The following MYT1L variants were observed in gnomAD, a reference collection of about 807,000 sequenced individuals.
MYT1L encodes the protein myelin transcription factor 1 like.
MYT1L carries 12 observed loss-of-function variants against 126.7 expected under a neutral mutation model. That is an observed-to-expected ratio of 0.09 (90% CI 0.06 to 0.15). MYT1L has a LOEUF of 0.15. Among genes scored for constraint, MYT1L ranks in the 10% least tolerant of loss-of-function variants. The probability of loss-of-function intolerance (pLI) is 1.00; values close to 1 mark genes in which losing one functional copy is unlikely to be tolerated. For synonymous variants in MYT1L, 541 were observed against 604.2 expected (o/e 0.90, Z 1.53); for missense variants, 979 against 1,585.2 (o/e 0.62, Z 6.49).
At chr2:2,063,444 G>T (rs1194012211) in intron 3 of MYT1L, among the ~76,000 whole-genome samples, 1 of 152,136 alleles carries the variant, frequency 6.6e-6, no homozygotes, top group Admixed American at 6.5e-5. Flanking sequence ...CCTGTCGGGG[G>T]TCTTTGTGTG....
At position 1,889,638 on chromosome 2, in the gene MYT1L, T is replaced by G. The variant is rs1372820242; in HGVS notation, c.2284-161A>C. Among the ~76,000 whole-genome samples, 1 of 152,184 alleles carries G rather than the reference T, an allele frequency of 6.6e-6. No individual in the cohort carries two copies. Among genetic ancestry groups the G allele is most frequent in the Non-Finnish European group, 1.5e-5 (1 of 68,038 alleles). On this transcript the variant is annotated intron_variant, in intron 15 of 24. Transcript: ENST00000647738. The surrounding 1 kb of genome is among the most constrained non-coding windows in gnomAD (Gnocchi z 4.1). Reference sequence around the variant, plus strand: ...CTAAACTCCCAAGGCGGACAGGCCTTGTCTGGTGGTACATTCCTGCTATCC... The same window carrying G: ...CTAAACTCCCAAGGCGGACAGGCCTGGTCTGGTGGTACATTCCTGCTATCC...
intron 13 of MYT1L, among the ~76,000 whole-genome samples, chr2:1,908,626 G>A (rs1330386028): frequency 3.3e-5 from 5 of 152,188 alleles, no homozygotes; most frequent in African/African-American, 4.8e-5. Flanking sequence ...GACCAATAAC[G>A]ATTCCTTGCT....
intron 2 of MYT1L, among the ~76,000 whole-genome samples, chr2:2,175,259 G>C (rs543913082): frequency 6.6e-6 from 1 of 152,212 alleles, no homozygotes; most frequent in East Asian, 1.9e-4. Flanking sequence ...CCAGCTCCTG[G>C]TGACTTTTCC....
At chr2:2,198,717 G>T (rs1283220490) in intron 2 of MYT1L, among the ~76,000 whole-genome samples, 5 of 151,916 alleles carry the variant, frequency 3.3e-5, no homozygotes, top group Admixed American at 2.0e-4. Context: ...AATTAGCCAG[G>T]CGTTGTGGTG....
chr2:2,026,589 C>T (rs2065610511), intron 4 of MYT1L, among the ~76,000 whole-genome samples: 1 of 152,242 alleles, frequency 6.6e-6, no homozygotes, highest in Admixed American at 6.5e-5. Flanking sequence ...TCAGGCCTCG[C>T]TGGCTTCCTA....
chr2:2,086,686 C>T (rs2076384603), intron 3 of MYT1L, among the ~76,000 whole-genome samples: 2 of 152,146 alleles, frequency 1.3e-5, no homozygotes, highest in Admixed American at 6.5e-5. Flanking sequence ...GGTGACCGAA[C>T]CCCAGGCCTC....
At chr2:2,203,192 T>C (rs1057168377) in intron 2 of MYT1L, among the ~76,000 whole-genome samples, 1 of 146,334 alleles carries the variant, frequency 6.8e-6, no homozygotes, top group Non-Finnish European at 1.5e-5. Context: ...ACTGGAAGCA[T>C]TCCCTTTGAA....
chr2:2,026,611 G>T (rs2065611874), intron 4 of MYT1L, among the ~76,000 whole-genome samples: 1 of 152,222 alleles, frequency 6.6e-6, no homozygotes, highest in Non-Finnish European at 1.5e-5. Flanking sequence ...GACAGGAAAT[G>T]CCCGTGGTGG....
chr2:2,124,654 A>T lies in MYT1L; in HGVS notation c.-304+48218T>A, dbSNP rs530949131. Among the ~76,000 whole-genome samples, 54 of 152,350 alleles carry T rather than the reference A, an allele frequency of 3.5e-4. 1 individual carries two copies. The highest frequency in any genetic ancestry group is 2.7e-3 in the South Asian group (13 of 4,826). On this transcript the variant is annotated intron_variant, in intron 3 of 24. Transcript: ENST00000647738. ...TTTAGTAGCTTTGATTATCTGCTAT[A>T]TCTCATTGATTCTTTCTTAAGACCA... is the stretch of plus-strand genomic sequence containing the variant.
rs532907967 is a variant in MYT1L at position 2,103,313 on chromosome 2, T to C, written c.-303-49190A>G. On this transcript the variant is annotated intron_variant, in intron 3 of 24. Coordinates refer to ENST00000647738, the MANE Select transcript of MYT1L (RefSeq NM_001303052.2). ...ATCCCAGCCTTTGCCAGGGCTCCTC[T>C]GCAGTGCTTAATCCTGGTGCTTGTC... 3.8e-4 allele frequency among the ~76,000 whole-genome samples: 58 copies of C among 152,332 alleles called. 1 individual carries two copies. The East Asian group carries it at 6.9e-3, about 18-fold the overall frequency.
At chr2:1,916,439 T>A (rs967736108) in intron 11 of MYT1L, among the ~76,000 whole-genome samples, 2 of 152,204 alleles carry the variant, frequency 1.3e-5, no homozygotes, top group African/African-American at 4.8e-5. Flanking sequence ...CTTAAACTCA[T>A]ATACTCATTT....
intron 3 of MYT1L, among the ~76,000 whole-genome samples, chr2:2,054,954 T>C (rs1376165518): frequency 1.3e-5 from 2 of 152,004 alleles, no homozygotes; most frequent in Non-Finnish European, 2.9e-5. Context: ...ATGAGATGCA[T>C]GGAGATGAGA....
rs1185154931 is a variant in MYT1L, at chr2:1,842,935, CCG to C, written c.2775-2094_2775-2093del. On this transcript the variant is annotated intron_variant, in intron 19 of 24. Coordinates refer to ENST00000647738, the MANE Select transcript of MYT1L (RefSeq NM_001303052.2). ...CAGGCGCTTCCGCTTCCAGGCGCTTCCGCTTCCAGGCGCTTCCGCTTCCAGGC... is the reference window on the plus strand; with the variant it reads ...CAGGCGCTTCCGCTTCCAGGCGCTTCCTTCCAGGCGCTTCCGCTTCCAGGC... 46 of 170,572 alleles carry C rather than the reference CCG, an allele frequency of 2.7e-4. 1 individual carries two copies. Among genetic ancestry groups the C allele is most frequent in the African/African-American group, 1.1e-3 (45 of 41,014 alleles). 10.6% of individuals were successfully genotyped at this position (170,572 alleles called of 1,614,324 possible).
At chr2:2,134,714 T>C (rs1483188582) in intron 3 of MYT1L, among the ~76,000 whole-genome samples, 1 of 152,160 alleles carries the variant, frequency 6.6e-6, no homozygotes, top group Non-Finnish European at 1.5e-5. Flanking sequence ...ACTTTGATCC[T>C]GGACTTCCAG....
intron 1 of MYT1L, among the ~76,000 whole-genome samples, chr2:2,316,283 G>A (rs917783781): frequency 1.3e-5 from 2 of 152,100 alleles, no homozygotes; most frequent in East Asian, 1.9e-4. Flanking sequence ...ACATGCCATC[G>A]GCTACCATGG....
At chr2:1,824,486 G>C (rs1285262932) in intron 21 of MYT1L, 4 of 152,404 alleles carry the variant, frequency 2.6e-5, no homozygotes, top group African/African-American at 9.6e-5. Flanking sequence ...AGGGAGGAGA[G>C]GGGCATGGGC....
intron 17 of MYT1L, 32 bp from the exon 18 acceptor site, chr2:1,886,639 C>T: frequency 2.1e-6 from 3 of 1,457,816 alleles, no homozygotes; most frequent in South Asian, 1.5e-5. Context: ...GCAGGTCAGT[C>T]AACTGCGAAG....
intron 2 of MYT1L, among the ~76,000 whole-genome samples, chr2:2,266,880 C>A (rs542831364): frequency 1.2e-4 from 19 of 152,326 alleles, no homozygotes; most frequent in African/African-American, 4.1e-4. Context: ...TTGCCTTCTG[C>A]CATGATTGTG....
intron 4 of MYT1L, among the ~76,000 whole-genome samples, chr2:2,006,246 T>TA (rs564938065): frequency 3.3e-5 from 5 of 152,030 alleles, no homozygotes; most frequent in African/African-American, 7.2e-5. Flanking sequence ...TCCATTTCAT[T>TA]AAAAAAAATG....
Sources: allele counts gnomAD v4.1 joint callset (sites outside exome capture counted in the v4.1 genomes callset), GRCh38; gene constraint gnomAD v4.1.1; non-coding constraint Gnocchi (gnomAD v3.1); transcripts MANE v1.5; gene names NCBI Gene and HGNC (gene_info 2026-07-23, HGNC 2026-07-21).